NOX5: variants seen among roughly 807,000 people sequenced by gnomAD.
The protein encoded by NOX5 is NADPH oxidase, EF-hand calcium binding domain 5.
Under a neutral mutation model 85.7 loss-of-function variants are expected in NOX5, and 76 were observed. The ratio of observed to expected loss-of-function variants is 0.89; its 90% CI spans 0.74 to 1.07. NOX5 has a LOEUF of 1.07. Among genes scored for constraint, NOX5 ranks in the 50% least tolerant of loss-of-function variants. The pLI is 0.00. For synonymous variants in NOX5, 405 were observed against 401.4 expected (o/e 1.01, Z -0.11); for missense variants, 973 against 999.5 (o/e 0.97, Z 0.36).
intron 9 of NOX5, 90 bp from the exon 10 acceptor site, chr15:69,042,573 C>G: frequency 7.0e-7 from 1 of 1,427,900 alleles, no homozygotes; most frequent in Non-Finnish European, 9.4e-7. Flanking sequence ...GGGCTGAGGC[C>G]CAGCAGCAAT....
At chr15:69,036,671 T>C (rs1222140384) in intron 7 of NOX5, among the ~76,000 whole-genome samples, 1 of 152,214 alleles carries the variant, frequency 6.6e-6, no homozygotes, top group Non-Finnish European at 1.5e-5. Context: ...CTGCTATTTC[T>C]TCTCCACTCC....
At chr15:69,051,783 T>C (rs1171941211) in intron 14 of NOX5, among the ~76,000 whole-genome samples, 6 of 152,048 alleles carry the variant, frequency 3.9e-5, no homozygotes, top group African/African-American at 7.2e-5. Context: ...GAAATGAGAA[T>C]AAAAAGTTTA....
At chr15:69,039,446 A>G (rs559436491) in intron 9 of NOX5, among the ~76,000 whole-genome samples, 68 of 152,172 alleles carry the variant, frequency 4.5e-4, no homozygotes, top group Non-Finnish European at 8.2e-4. Context: ...GAAAAAGAGC[A>G]TGAAAGGCAG....
chr15:69,020,655 T>C (rs1236627044), intron 1 of NOX5, among the ~76,000 whole-genome samples: 1 of 151,648 alleles, frequency 6.6e-6, no homozygotes, highest in African/African-American at 2.4e-5. Flanking sequence ...TCAATTTTTA[T>C]ATGCATATAA....
intron 4 of NOX5, among the ~76,000 whole-genome samples, chr15:69,032,695 G>A (rs904494109): frequency 4.6e-5 from 7 of 152,218 alleles, no homozygotes; most frequent in Non-Finnish European, 8.8e-5. Context: ...ACAGACGTGA[G>A]CCACTGCACT....
chr15:69,026,810 C>T (rs896044825), intron 2 of NOX5, among the ~76,000 whole-genome samples, 159 bp downstream of exon 2: 9 of 152,200 alleles, frequency 5.9e-5, no homozygotes, highest in African/African-American at 2.2e-4. Context: ...TCCCATTCCT[C>T]TTAATAGTCA....
intron 1 of NOX5, chr15:69,023,428 G>T: frequency 2.4e-6 from 1 of 415,724 alleles, no homozygotes; most frequent in South Asian, 1.9e-5. Flanking sequence ...CCATACTGAG[G>T]CTGATTATAG....
In NOX5 at chr15:69,049,042, C is replaced by T. The variant is rs143553877; in HGVS notation, c.1983C>T (p.Ala661=). 279 of 1,611,428 alleles carry T rather than the reference C, an allele frequency of 1.7e-4. No homozygotes were observed. Among genetic ancestry groups the T allele is most frequent in the African/African-American group, 1.2e-3 (93 of 74,966 alleles). The change falls in exon 14 of 16, where the codon GCC becomes GCT. Residue 661 remains alanine, a synonymous_variant. Coordinates refer to ENST00000388866, the MANE Select transcript of NOX5 (RefSeq NM_024505.4). ...TGACTAAACTGGAGATGGACCAGGC[C>T]GAGGAGGCTCAATACGGTAAGAGAG... ...SLLTKLEMDQ[A]EEAQYGRFLE...
At chr15:69,017,492 A>G (rs1267259887) in intron 1 of NOX5, among the ~76,000 whole-genome samples, 1 of 152,080 alleles carries the variant, frequency 6.6e-6, no homozygotes, top group Non-Finnish European at 1.5e-5. Context: ...AATTCTTTTA[A>G]CCAATTGCCA....
At position 69,033,236 on chromosome 15, in the gene NOX5, G is replaced by T; in HGVS notation, c.814G>T (p.Gly272Cys). ...CGGCGCCAGCGTCATGGTGGCCAAG[G>T]GCTGCGGCCAGTGCCTCAACTTCGA... ...DLGASVMVAKGCGQCLNFDCS... is the reference protein window; with the variant it reads ...DLGASVMVAKCCGQCLNFDCS... Residue 272 changes from glycine (G) to cysteine (C), a missense_variant, in exon 5 of 16, where the codon GGC (glycine) becomes TGC (cysteine). Physicochemically the swap from Gly to Cys is radical, Grantham distance 159. Transcript: ENST00000388866. 6.3e-7 allele frequency: 1 copy of T among 1,598,080 alleles called. No homozygotes were observed. Among genetic ancestry groups the T allele is most frequent in the Non-Finnish European group, 8.5e-7 (1 of 1,179,256 alleles).
rs1595776540 is a variant in NOX5 at position 69,032,743 on chromosome 15, T to G, written c.621-300T>G. Among the ~76,000 whole-genome samples, 4 of 152,330 alleles carry G rather than the reference T, an allele frequency of 2.6e-5. No homozygotes were observed. In the Middle Eastern group the frequency reaches 0.01, roughly 389 times the overall value. The stretch of plus-strand genomic sequence containing the variant: ...GCCTATTAACTTTCTTGGGGCTTAC[T>G]TACCAAAACATATTTCAGATTCTTC... On this transcript the variant is annotated intron_variant, in intron 4 of 15. Coordinates refer to ENST00000388866, the MANE Select transcript of NOX5 (RefSeq NM_024505.4).
At chr15:69,027,933 G>T (rs1320964523) in intron 2 of NOX5, among the ~76,000 whole-genome samples, 3 of 152,162 alleles carry the variant, frequency 2.0e-5, no homozygotes, top group Non-Finnish European at 4.4e-5. Flanking sequence ...GCTGATGGGG[G>T]TGATTGTATG....
chr15:69,038,896 T>C lies in NOX5; in HGVS notation c.1411T>C (p.Tyr471His). The change falls in exon 9 of 16, where the codon TAT (tyrosine) becomes CAT (histidine). Residue 471 changes from tyrosine (Y) to histidine (H), a missense_variant. Coordinates refer to ENST00000388866, the MANE Select transcript of NOX5 (RefSeq NM_024505.4). The stretch of plus-strand genomic sequence containing the variant: ...CATCAAGCGGCCCCCTTTTTTTCAC[T>C]ATAGACCTGGTGACTACTTGTATCT... Reference protein sequence around the residue: ...LLIKRPPFFHYRPGDYLYLNI... With the variant: ...LLIKRPPFFHHRPGDYLYLNI... 1 of 1,614,144 alleles carries C rather than the reference T, an allele frequency of 6.2e-7. No homozygotes were observed. The highest frequency in any genetic ancestry group is 1.1e-5 in the South Asian group (1 of 91,080).
rs1213263509 is a variant in NOX5, at chr15:69,057,896, G to A, written c.*1200G>A. 1 of 152,354 alleles carries A rather than the reference G, an allele frequency of 6.6e-6. No individual in the cohort carries two copies. Among genetic ancestry groups the A allele is most frequent in the Non-Finnish European group, 1.5e-5 (1 of 68,140 alleles). The allele number at this position is 152,354 out of a possible 1,614,324, so 9.4% of individuals were successfully genotyped here. On this transcript the variant is annotated 3_prime_UTR_variant, in exon 16 of 16. Transcript: ENST00000388866. Reference sequence around the variant, plus strand: ...CCAGCCTCTGTTTGCGTCTGTCCCTGTCTGGGCAGGAGGGAACAGCAGAGG... The same window carrying A: ...CCAGCCTCTGTTTGCGTCTGTCCCTATCTGGGCAGGAGGGAACAGCAGAGG...
At chr15:69,027,788 C>A (rs2050376824) in intron 2 of NOX5, among the ~76,000 whole-genome samples, 1 of 152,184 alleles carries the variant, frequency 6.6e-6, no homozygotes, top group Non-Finnish European at 1.5e-5. Flanking sequence ...ATCTATAAGT[C>A]CTTCCCAGAT....
At chr15:69,026,069 G>A (rs1479861834) in intron 1 of NOX5, among the ~76,000 whole-genome samples, 23 of 152,224 alleles carry the variant, frequency 1.5e-4, no homozygotes, top group Admixed American at 1.5e-3. Context: ...TAATTGCTCT[G>A]AGCCTATTTC....
rs535867207 is a variant in NOX5, at chr15:69,031,463, T to C, written c.326-55T>C. ...CATGGTCTATACCCCCAAGGAAAGC[T>C]GACTGGCAGAAAGCTGGAGGTGGGT... On this transcript the variant is annotated intron_variant, in intron 3 of 15. Transcript: ENST00000388866. 3.9e-6 allele frequency: 6 copies of C among 1,554,588 alleles called. No individual in the cohort carries two copies. The Admixed American group carries it at 1.1e-4, about 27-fold the overall frequency.
rs1394091 is a variant in NOX5, at chr15:69,062,649, T to C, written c.*5953T>C. ...TCGCCTGACACTTGGAGCACCCTTC[T>C]CCACTTTCAGATTGAGACTTCGGAA... On this transcript the variant is annotated 3_prime_UTR_variant, in exon 16 of 16. Coordinates refer to ENST00000388866, the MANE Select transcript of NOX5 (RefSeq NM_024505.4). The C allele has an allele frequency of 0.97, 148,522 of 152,356 alleles. 72,514 individuals carry two copies. The highest frequency in any genetic ancestry group is 1 in the East Asian group (5,158 of 5,158). 9.4% of individuals were successfully genotyped at this position (152,356 alleles called of 1,614,324 possible). A position where few individuals can be genotyped will look rare whatever the true frequency, so the allele number is the denominator to read the frequency against.
At chr15:69,047,624 T>A (rs997288093) in intron 12 of NOX5, 87 bp downstream of exon 12, 50 of 1,494,346 alleles carry the variant, frequency 3.3e-5, no homozygotes, top group Non-Finnish European at 4.1e-5. Context: ...TCCTTCTCCT[T>A]CCTCTCCTTT....
Sources: gnomAD v4.1 joint callset for allele counts (sites outside exome capture counted in the v4.1 genomes callset) on GRCh38, gnomAD v4.1.1 for gene constraint, MANE v1.5 for transcripts, NCBI Gene and HGNC (gene_info 2026-07-23, HGNC 2026-07-21) for gene names.